ZNF438: variants seen among roughly 807,000 people sequenced by gnomAD.
ZNF438 encodes the protein zinc finger protein 438.
ZNF438 carries 25 observed loss-of-function variants against 38.0 expected under a neutral mutation model. The observed-to-expected ratio is 0.66, with a 90% confidence interval of 0.48 to 0.92. ZNF438 has a LOEUF of 0.92. Among genes scored for constraint, ZNF438 ranks in the 40% least tolerant of loss-of-function variants. ZNF438 has a pLI of 0.00. For synonymous variants in ZNF438, 372 were observed against 364.1 expected (o/e 1.02, Z -0.25); for missense variants, 1,007 against 999.6 (o/e 1.01, Z -0.10).
intron 1 of ZNF438, among the ~76,000 whole-genome samples, chr10:30,980,628 T>C (rs2052016698): frequency 6.6e-6 from 1 of 152,096 alleles, no homozygotes; most frequent in African/African-American, 2.4e-5. Context: ...TGAAAAGACA[T>C]AAAAATAAGT....
At chr10:30,940,101 A>G (rs1354131804) in intron 2 of ZNF438, among the ~76,000 whole-genome samples, 1 of 152,246 alleles carries the variant, frequency 6.6e-6, no homozygotes, top group Non-Finnish European at 1.5e-5. Context: ...GTTGCCAAGA[A>G]TATGGAACAT....
chr10:30,898,998 T>C (rs2041683345), intron 3 of ZNF438, among the ~76,000 whole-genome samples: 1 of 152,210 alleles, frequency 6.6e-6, no homozygotes, highest in African/African-American at 2.4e-5. Flanking sequence ...CCAAAGAATA[T>C]TCTCCACCTT....
At chr10:30,888,763 T>A (rs902491177) in intron 3 of ZNF438, among the ~76,000 whole-genome samples, 1 of 152,230 alleles carries the variant, frequency 6.6e-6, no homozygotes, top group African/African-American at 2.4e-5. Flanking sequence ...AATTTCTTCA[T>A]CCAGTACCAC....
At chr10:31,012,163 C>T (rs2055768880) in intron 1 of ZNF438, among the ~76,000 whole-genome samples, 1 of 150,370 alleles carries the variant, frequency 6.7e-6, no homozygotes, top group Non-Finnish European at 1.5e-5. Context: ...CGCTCTGTCG[C>T]CCAGGCTGGA....
Position 30,849,702 on chromosome 10 carries a change from C to A in ZNF438, c.703G>T (p.Ala235Ser), listed in dbSNP as rs965622494. The A allele has an allele frequency of 1.9e-6, 3 of 1,614,188 alleles. No homozygotes were observed. The South Asian group carries it at 3.3e-5, about 18-fold the overall frequency. Reference sequence around the variant, plus strand: ...ACAAAGTGTGCTTTCCCTGAAAGAGCTGTGAGGTCCTGCTTGGCAGGCTCC... The same window carrying A: ...ACAAAGTGTGCTTTCCCTGAAAGAGATGTGAGGTCCTGCTTGGCAGGCTCC... The change falls in exon 5 of 6, where the codon GCT (alanine) becomes TCT (serine). Residue 235 changes from alanine (A) to serine (S), a missense_variant. Transcript: ENST00000413025.
At chr10:30,899,269 G>A (rs147312747) in intron 3 of ZNF438, among the ~76,000 whole-genome samples, 1 of 152,132 alleles carries the variant, frequency 6.6e-6, no homozygotes, top group African/African-American at 2.4e-5. Context: ...ATATTCAAGG[G>A]GAAAGAAGAT....
chr10:30,866,547 C>T (rs1238565240), intron 4 of ZNF438, among the ~76,000 whole-genome samples: 7 of 152,080 alleles, frequency 4.6e-5, no homozygotes. Context: ...AAAACTGGTG[C>T]TTATGGGTCA....
At chr10:30,980,946 T>C (rs944675938) in intron 1 of ZNF438, among the ~76,000 whole-genome samples, 8 of 152,242 alleles carry the variant, frequency 5.3e-5, no homozygotes, top group African/African-American at 7.2e-5. Context: ...ACTCTATTTC[T>C]GACTCCTGAC....
Position 30,869,963 on chromosome 10 carries a change from G to C in ZNF438, c.37+7035C>G, listed in dbSNP as rs879876000. On this transcript the variant is annotated intron_variant, in intron 4 of 5. Coordinates refer to ENST00000413025, the Ensembl canonical transcript of ZNF438. ...GTGTGTTCAATGTGAGGGCTGGAGA[G>C]TCACAGATCTTGCAATAGTAGTTTT... Among the ~76,000 whole-genome samples, 64 of 152,336 alleles carry C rather than the reference G, an allele frequency of 4.2e-4. 1 individual carries two copies. Among genetic ancestry groups the C allele is most frequent in the Admixed American group, 2.8e-3 (43 of 15,306 alleles).
intron 1 of ZNF438, among the ~76,000 whole-genome samples, chr10:31,018,771 C>T (rs1242287414): frequency 6.6e-6 from 1 of 152,136 alleles, no homozygotes; most frequent in East Asian, 1.9e-4. Flanking sequence ...TGGTTCTGTT[C>T]CACAAGGTCA....
At chr10:30,866,854 G>A (rs1482480834) in intron 4 of ZNF438, among the ~76,000 whole-genome samples, 4 of 151,186 alleles carry the variant, frequency 2.6e-5, no homozygotes, top group African/African-American at 9.7e-5. Context: ...AACCAAAAAC[G>A]AAAACTGGTG....
intron 1 of ZNF438, among the ~76,000 whole-genome samples, chr10:30,980,513 G>T (rs908024832): frequency 3.9e-5 from 6 of 152,142 alleles, no homozygotes; most frequent in Non-Finnish European, 8.8e-5. Flanking sequence ...TGAGTTTTTG[G>T]CCTGGAACAA....
At chr10:30,963,450 TATG>T (rs1346711147) in intron 1 of ZNF438, among the ~76,000 whole-genome samples, 4 of 151,178 alleles carry the variant, frequency 2.6e-5, no homozygotes, top group Non-Finnish European at 4.4e-5. Context: ...CCTATCAAAT[TATG>T]ATATTTATCT....
chr10:30,916,845 T>C (rs911453678), intron 2 of ZNF438, among the ~76,000 whole-genome samples: 1 of 152,090 alleles, frequency 6.6e-6, no homozygotes, highest in African/African-American at 2.4e-5. Flanking sequence ...GCACAACTTA[T>C]TAGTTAATGC....
At chr10:30,901,431 T>A (rs967580978) in intron 3 of ZNF438, among the ~76,000 whole-genome samples, 7 of 151,398 alleles carry the variant, frequency 4.6e-5, no homozygotes. Context: ...TTGTTCCTTC[T>A]GATGTTCCGC....
intron 1 of ZNF438, among the ~76,000 whole-genome samples, chr10:30,982,096 TTTC>T (rs200132411): frequency 0.39 from 46,932 of 120,412 alleles, 5,371 homozygotes; most frequent in Admixed American, 0.42. Flanking sequence ...CCTTTTTCTC[TTTC>T]TTTTTTTTTT....
chr10:31,026,511 C>G (rs546239433), intron 1 of ZNF438, among the ~76,000 whole-genome samples: 27 of 152,310 alleles, frequency 1.8e-4, no homozygotes, highest in African/African-American at 5.8e-4. Context: ...CACTGGCCAT[C>G]AGAGAAATGC....
chr10:30,872,425 CAAAAA>C (rs566401687), intron 4 of ZNF438, among the ~76,000 whole-genome samples: 2 of 58,696 alleles, frequency 3.4e-5, no homozygotes, highest in East Asian at 6.2e-4. Flanking sequence ...GACTCTGTCT[CAAAAA>C]AAAAAAAAAA....
intron 2 of ZNF438, among the ~76,000 whole-genome samples, chr10:30,937,065 G>C (rs2135427508): frequency 6.6e-6 from 1 of 152,204 alleles, no homozygotes; most frequent in Non-Finnish European, 1.5e-5. Flanking sequence ...TTGTGTGTCT[G>C]TGCCACAAAA....
Sources: allele counts gnomAD v4.1 joint callset (sites outside exome capture counted in the v4.1 genomes callset), GRCh38; gene constraint gnomAD v4.1.1; transcripts MANE v1.5; gene names NCBI Gene and HGNC (gene_info 2026-07-23, HGNC 2026-07-21).